KIF18A: variants seen among roughly 807,000 people sequenced by gnomAD.
KIF18A encodes kinesin-like protein KIF18A.
In KIF18A, 67 loss-of-function variants were observed where a neutral mutation model predicts 103.3. The observed-to-expected ratio is 0.65, with a 90% CI of 0.53 to 0.79. The LOEUF (loss-of-function observed/expected upper bound fraction) is 0.79. Ranked by LOEUF, KIF18A falls within the 30% of genes least tolerant of loss-of-function variation. The probability of loss-of-function intolerance (pLI) is 0.00; values close to 1 mark genes in which losing one functional copy is unlikely to be tolerated. For missense variants in KIF18A, 1,032 were observed against 1,062.5 expected (o/e 0.97, Z 0.40); for synonymous variants, 367 against 355.5 (o/e 1.03, Z -0.36).
chr11:28,023,202 C>A (rs186667365), intron 16 of KIF18A, among the ~76,000 whole-genome samples: 3 of 152,050 alleles, frequency 2.0e-5, no homozygotes, highest in Non-Finnish European at 2.9e-5. Context: ...CTCCCATATG[C>A]GGTTGATGGA....
In KIF18A at chr11:28,036,305, A is replaced by G; in HGVS notation, c.2308T>C (p.Phe770Leu). 6.2e-7 allele frequency: 1 copy of G among 1,610,682 alleles called. No individual in the cohort carries two copies. The highest frequency in any genetic ancestry group is 8.5e-7 in the Non-Finnish European group (1 of 1,177,892). Residue 770 changes from phenylalanine to leucine, a missense_variant, in exon 14 of 17, where the codon TTT (phenylalanine) becomes CTT (leucine). Phe to Leu is a conservative substitution (Grantham distance 22). Coordinates refer to ENST00000263181, the MANE Select transcript of KIF18A (RefSeq NM_031217.4). The part of the protein sequence containing the change: ...ECGQEDLDST[F>L]TICEDIKSSK... ...CTCTTGATGTCTTCACATATAGTAA[A>G]TGTAGAGTCCAAGTCCTCCTGTCCA...
At chr11:28,082,159 G>A (rs546115339) in intron 9 of KIF18A, among the ~76,000 whole-genome samples, 16 of 152,228 alleles carry the variant, frequency 1.1e-4, no homozygotes, top group Middle Eastern at 6.8e-3. Context: ...TGCTATCTAC[G>A]TTGAAATAAC....
chr11:28,082,771 A>G, intron 9 of KIF18A, 85 bp downstream of exon 9: 2 of 766,216 alleles, frequency 2.6e-6, no homozygotes, highest in South Asian at 3.6e-5. Flanking sequence ...TATAAAAGAC[A>G]TAACAAATGA....
chr11:28,021,101 G>T lies in KIF18A; in HGVS notation c.*99C>A. On this transcript the variant is annotated 3_prime_UTR_variant, in exon 17 of 17. Transcript: ENST00000263181. ...CTTGGGTAAACTTAGCTTTAAGATGGGTCTTCTTTCAAAGATTTTAAATAT... is the reference window on the plus strand; with the variant it reads ...CTTGGGTAAACTTAGCTTTAAGATGTGTCTTCTTTCAAAGATTTTAAATAT... The T allele has an allele frequency of 1.7e-6, 2 of 1,143,900 alleles. No individual in the cohort carries two copies. Among genetic ancestry groups the T allele is most frequent in the East Asian group, 3.5e-5 (1 of 28,956 alleles). 70.9% of individuals were successfully genotyped at this position (1,143,900 alleles called of 1,614,324 possible). A position where few individuals can be genotyped will look rare whatever the true frequency, so the allele number is the denominator to read the frequency against.
Position 28,093,756 on chromosome 11 carries a change from T to A in KIF18A, c.483+887A>T, listed in dbSNP as rs565505842. Among the ~76,000 whole-genome samples the A allele has an allele frequency of 2.1e-4, 32 of 152,236 alleles. No individual in the cohort carries two copies. The East Asian group carries it at 5.8e-3, about 28-fold the overall frequency. On this transcript the variant is annotated intron_variant, in intron 3 of 16. Transcript: ENST00000263181. ...ATAGTAGAAAGTCAATAAAGAAATG[T>A]ACAAGAAATGATGGAATTTAAAAAT...
intron 15 of KIF18A, among the ~76,000 whole-genome samples, chr11:28,035,151 T>C (rs1240329541): frequency 6.6e-6 from 1 of 151,584 alleles, no homozygotes; most frequent in Non-Finnish European, 1.5e-5. Context: ...ACTTTTCAAT[T>C]TATTTTTAAG....
intron 10 of KIF18A, among the ~76,000 whole-genome samples, chr11:28,070,999 T>C (rs898158871): frequency 6.6e-6 from 1 of 152,238 alleles, no homozygotes; most frequent in Admixed American, 6.5e-5. Context: ...GAGGCTGCAG[T>C]GCAGTGAGCC....
At chr11:28,092,153 A>G (rs890740911) in intron 3 of KIF18A, among the ~76,000 whole-genome samples, 2 of 152,190 alleles carry the variant, frequency 1.3e-5, no homozygotes, top group African/African-American at 4.8e-5. Flanking sequence ...AACACACGGT[A>G]CTGGGAAACT....
intron 5 of KIF18A, among the ~76,000 whole-genome samples, chr11:28,089,022 G>A (rs1359088450): frequency 1.3e-5 from 2 of 152,104 alleles, no homozygotes; most frequent in African/African-American, 4.8e-5. Context: ...ATTATCAGAG[G>A]TGATGGTTAG....
chr11:28,090,630 T>A lies in KIF18A; in HGVS notation c.686A>T (p.His229Leu), dbSNP rs1405270538. 3.8e-6 allele frequency: 6 copies of A among 1,586,720 alleles called. No homozygotes were observed. The highest frequency in any genetic ancestry group is 5.2e-6 in the Non-Finnish European group (6 of 1,156,034). The change falls in exon 5 of 17, where the codon CAT (histidine) becomes CTT (leucine). Residue 229 changes from histidine (H) to leucine (L), a missense_variant. Transcript: ENST00000263181. The part of the protein sequence containing the change: ...TDMNATSSRS[H>L]AVFQIYLRQQ... The stretch of plus-strand genomic sequence containing the variant: ...GTGGCCTCTTACTTGGAAAACAGCA[T>A]GAGAACGAGAAGATGTGGCATTCAT...
rs1850230884 is a variant in KIF18A, at chr11:28,020,973, A to AT, written c.*226dup. 3.4e-6 allele frequency: 1 copy of AT among 294,760 alleles called. No individual in the cohort carries two copies. Among genetic ancestry groups the AT allele is most frequent in the Non-Finnish European group, 5.7e-6 (1 of 176,318 alleles). The allele number at this position is 294,760 out of a possible 1,614,324, so 18.3% of individuals were successfully genotyped here. The stretch of plus-strand genomic sequence containing the variant: ...ACTCAGGGATTTTAAAAGGCAACAA[A>AT]TATTTAAAAAACTTAAAAGACAACC... On this transcript the variant is annotated 3_prime_UTR_variant, in exon 17 of 17. Coordinates refer to ENST00000263181, the MANE Select transcript of KIF18A (RefSeq NM_031217.4).
chr11:28,055,852 A>G (rs1850773968), intron 13 of KIF18A, among the ~76,000 whole-genome samples: 1 of 152,182 alleles, frequency 6.6e-6, no homozygotes, highest in Non-Finnish European at 1.5e-5. Context: ...AAATCAGTCT[A>G]AACAGATCCA....
chr11:28,047,045 A>G (rs979034138), intron 13 of KIF18A, among the ~76,000 whole-genome samples: 19 of 134,092 alleles, frequency 1.4e-4, no homozygotes, highest in African/African-American at 5.1e-4. Flanking sequence ...CAAGAGCAAC[A>G]CTTCGTCTCA....
At chr11:28,047,416 A>G (rs909667742) in intron 13 of KIF18A, among the ~76,000 whole-genome samples, 1 of 152,144 alleles carries the variant, frequency 6.6e-6, no homozygotes, top group Non-Finnish European at 1.5e-5. Context: ...TTAGCAATCT[A>G]TATCTATTTT....
At chr11:28,049,750 T>C (rs1042629203) in intron 13 of KIF18A, among the ~76,000 whole-genome samples, 4 of 152,002 alleles carry the variant, frequency 2.6e-5, no homozygotes, top group African/African-American at 9.7e-5. Flanking sequence ...CAATAAAAAC[T>C]TCTAGGCTAC....
intron 16 of KIF18A, 121 bp from the exon 17 acceptor site, chr11:28,021,403 G>A (rs1413132557): frequency 2.4e-6 from 2 of 826,746 alleles, no homozygotes; most frequent in African/African-American, 3.6e-5. Flanking sequence ...ATTCATAGTT[G>A]TTAGTTAACA....
intron 2 of KIF18A, among the ~76,000 whole-genome samples, chr11:28,095,285 C>T (rs960460025): frequency 3.0e-4 from 45 of 152,316 alleles, no homozygotes; most frequent in Middle Eastern, 3.4e-3. Context: ...TTATTCAATA[C>T]TCTCAGCATT....
chr11:28,060,148 A>C (rs911462551), intron 12 of KIF18A, among the ~76,000 whole-genome samples: 2 of 152,176 alleles, frequency 1.3e-5, no homozygotes, highest in African/African-American at 2.4e-5. Context: ...TCATTGAAGA[A>C]ATGTCACAGC....
chr11:28,083,400 G>C (rs539006663), intron 7 of KIF18A, among the ~76,000 whole-genome samples, 157 bp from the exon 8 acceptor site: 24 of 152,124 alleles, frequency 1.6e-4, no homozygotes, highest in African/African-American at 5.8e-4. Flanking sequence ...AGGATCTGCT[G>C]AGCACATTAA....
Sources: allele counts gnomAD v4.1 joint callset (sites outside exome capture counted in the v4.1 genomes callset), GRCh38; gene constraint gnomAD v4.1.1; transcripts MANE v1.5; gene names NCBI Gene and HGNC (gene_info 2026-07-23, HGNC 2026-07-21).